Variants in TCTN2 observed in about 807,000 individuals in gnomAD.
The protein encoded by TCTN2 is tectonic family member 2.
A neutral mutation model predicts 83.4 loss-of-function variants in TCTN2; 66 were observed. The observed-to-expected ratio is 0.79, with a 90% CI of 0.65 to 0.97. TCTN2 has a LOEUF of 0.97. Ranked by LOEUF, TCTN2 falls within the 50% of genes least tolerant of loss-of-function variation. The pLI is 0.00. For synonymous variants in TCTN2, 301 were observed against 326.7 expected (o/e 0.92, Z 0.85); for missense variants, 794 against 858.1 (o/e 0.93, Z 0.93).
chr12:123,697,517 T>G (rs753649031), intron 13 of TCTN2, among the ~76,000 whole-genome samples: 1 of 152,214 alleles, frequency 6.6e-6, no homozygotes, highest in Non-Finnish European at 1.5e-5. Flanking sequence ...TTTTTTTTGT[T>G]GAGATGAAGT....
chr12:123,671,256 C>G lies in TCTN2; in HGVS notation c.16C>G (p.Pro6Ala). MGFQP[P>A]AALLLRLFLL... Reference sequence around the variant, plus strand: ...GGTCTAAGGCATGGGCTTCCAGCCTCCGGCCGCTCTTCTTTTGAGGCTTTT... The same window carrying G: ...GGTCTAAGGCATGGGCTTCCAGCCTGCGGCCGCTCTTCTTTTGAGGCTTTT... Residue 6 changes from proline (P) to alanine (A), a missense_variant, in exon 1 of 18, where the codon CCG becomes GCG. Pro to Ala is a conservative substitution (Grantham distance 27, BLOSUM62 -1). Coordinates refer to ENST00000303372, the MANE Select transcript of TCTN2 (RefSeq NM_024809.5). The G allele has an allele frequency of 3.1e-6, 5 of 1,613,406 alleles. No homozygotes were observed. Among genetic ancestry groups the G allele is most frequent in the Non-Finnish European group, 4.2e-6 (5 of 1,179,874 alleles).
chr12:123,679,622 C>G (rs1428617916), intron 5 of TCTN2, among the ~76,000 whole-genome samples: 1 of 152,090 alleles, frequency 6.6e-6, no homozygotes, highest in Non-Finnish European at 1.5e-5. Context: ...CCTTGGCCTC[C>G]CAAAATGTTG....
At chr12:123,675,437 T>C (rs1038733961) in intron 4 of TCTN2, among the ~76,000 whole-genome samples, 1 of 152,294 alleles carries the variant, frequency 6.6e-6, no homozygotes, top group Admixed American at 6.5e-5. Context: ...CGTTCCAGAC[T>C]TTAGTAGCAA....
rs1332338621 is a variant in TCTN2 at position 123,690,667 on chromosome 12, C to T, written c.1026C>T (p.Ala342=). The T allele has an allele frequency of 2.5e-6, 4 of 1,614,052 alleles. No homozygotes were observed. The highest frequency in any genetic ancestry group is 2.2e-5 in the South Asian group (2 of 91,056). The part of the protein sequence containing the change: ...GIINAKIKNV[A]LGGIVTPKVI... ...TCAATGCGAAGATAAAGAATGTTGC[C>T]TTAGGAGGTATGTTACATTTCTTTG... Residue 342 remains alanine (A), a synonymous_variant, in exon 8 of 18, where the codon GCC becomes GCT. Coordinates refer to ENST00000303372, the MANE Select transcript of TCTN2 (RefSeq NM_024809.5).
intron 6 of TCTN2, among the ~76,000 whole-genome samples, chr12:123,687,316 G>A (rs955927865): frequency 1.3e-5 from 2 of 152,164 alleles, no homozygotes; most frequent in Admixed American, 6.6e-5. Flanking sequence ...TTAATGTTCT[G>A]TATTTTACAG....
chr12:123,703,256 C>T (rs1418443523), intron 14 of TCTN2, among the ~76,000 whole-genome samples: 1 of 151,472 alleles, frequency 6.6e-6, no homozygotes, highest in Non-Finnish European at 1.5e-5. Context: ...TCTCGGCTCA[C>T]TGCAACCTCC....
At chr12:123,676,077 A>G (rs139868049) in intron 4 of TCTN2, among the ~76,000 whole-genome samples, 1 of 151,960 alleles carries the variant, frequency 6.6e-6, no homozygotes, top group Admixed American at 6.6e-5. Flanking sequence ...CTAGGAGTTC[A>G]AGACCAGCCT....
intron 5 of TCTN2, among the ~76,000 whole-genome samples, chr12:123,684,418 T>TA (rs1955938008): frequency 6.6e-6 from 1 of 150,644 alleles, no homozygotes; most frequent in African/African-American, 2.4e-5. Flanking sequence ...TTTTTTTTTT[T>TA]AAGACAGAGT....
chr12:123,683,058 T>C (rs1955918836), intron 5 of TCTN2, among the ~76,000 whole-genome samples: 1 of 150,956 alleles, frequency 6.6e-6, no homozygotes, highest in Non-Finnish European at 1.5e-5. Flanking sequence ...ACCCCATCTG[T>C]ACTAAAATAC....
chr12:123,686,948 G>A lies in TCTN2; in HGVS notation c.677G>A (p.Arg226His), dbSNP rs774785140. The change falls in exon 6 of 18, where the codon CGT becomes CAT. Residue 226 changes from arginine (R) to histidine (H), a missense_variant. By Grantham distance (29) the Arg-to-His change is conservative. Coordinates refer to ENST00000303372, the MANE Select transcript of TCTN2 (RefSeq NM_024809.5). Reference protein sequence around the residue: ...DQLCSAGTTTRGVPDWFPFLC... With the variant: ...DQLCSAGTTTHGVPDWFPFLC... ...CTCTGCTCTGCTGGGACGACGACAC[G>A]TGGTGTCCCCGATTGGTTTCCCTTT... The A allele has an allele frequency of 1.5e-5, 24 of 1,614,074 alleles. No homozygotes were observed. Among genetic ancestry groups the A allele is most frequent in the Middle Eastern group, 1.6e-4 (1 of 6,084 alleles).
chr12:123,706,662 T>C (rs1956232980), intron 15 of TCTN2, 64 bp from the exon 16 acceptor site: 1 of 1,612,494 alleles, frequency 6.2e-7, no homozygotes, highest in Non-Finnish European at 8.5e-7. Context: ...ATCCGTTACC[T>C]GCTGTTCTTG....
intron 7 of TCTN2, among the ~76,000 whole-genome samples, chr12:123,689,686 C>T (rs1276567016): frequency 1.3e-5 from 2 of 151,910 alleles, no homozygotes; most frequent in Non-Finnish European, 2.9e-5. Context: ...AAGTAGGGTC[C>T]GGTATAAAAA....
Position 123,699,699 on chromosome 12 carries a change from T to G in TCTN2, c.1506-5T>G, listed in dbSNP as rs764011088. 5 of 1,611,908 alleles carry G rather than the reference T, an allele frequency of 3.1e-6. No homozygotes were observed. Among genetic ancestry groups the G allele is most frequent in the Middle Eastern group, 3.3e-4 (2 of 6,058 alleles). On this transcript the variant is annotated splice_polypyrimidine_tract_variant and splice_region_variant and intron_variant, in intron 13 of 17. Coordinates refer to ENST00000303372, the MANE Select transcript of TCTN2 (RefSeq NM_024809.5). ...TGAGCTGAGAAATGTCTTACTCTCT[T>G]GCAGGGAGAATGCTGTTGAAAGACT...
Position 123,671,601 on chromosome 12 carries a change from G to T in TCTN2, c.177G>T (p.Leu59=), listed in dbSNP as rs749603121. ...TEGVTVSLAV[L]QDEAGILPIP... is the part of the protein sequence containing the mutation. Reference sequence around the variant, plus strand: ...GTGTGACCGTGTCCCTGGCAGTGCTGCAGGACGAGGCGGGTAAAGTCCGGC... The same window carrying T: ...GTGTGACCGTGTCCCTGGCAGTGCTTCAGGACGAGGCGGGTAAAGTCCGGC... Residue 59 remains leucine (L), a synonymous_variant, in exon 2 of 18, where the codon CTG becomes CTT. Transcript: ENST00000303372. 7 of 1,612,728 alleles carry T rather than the reference G, an allele frequency of 4.3e-6. No homozygotes were observed. In the East Asian group the frequency reaches 6.7e-5, roughly 15 times the overall value.
At chr12:123,687,070 T>C in intron 6 of TCTN2, 35 bp downstream of exon 6, 2 of 1,612,824 alleles carry the variant, frequency 1.2e-6, no homozygotes, top group Middle Eastern at 1.7e-4. Flanking sequence ...GATGGGGCAT[T>C]GTTCTCCCGC....
At chr12:123,673,571 C>G in intron 3 of TCTN2, 44 bp from the exon 4 acceptor site, 1 of 1,586,936 alleles carries the variant, frequency 6.3e-7, no homozygotes, top group Non-Finnish European at 8.7e-7. Flanking sequence ...CTTATAGACC[C>G]TGTTTTGAGT....
chr12:123,686,745 C>A, intron 5 of TCTN2, 91 bp from the exon 6 acceptor site: 1 of 1,255,584 alleles, frequency 8.0e-7, no homozygotes, highest in Non-Finnish European at 1.2e-6. Flanking sequence ...TGGTAGTGTC[C>A]TGCTGGCCTT....
At position 123,672,098 on chromosome 12, in the gene TCTN2, C is replaced by G. The variant is rs1015790415; in HGVS notation, c.233C>G (p.Thr78Arg). 12 of 1,614,008 alleles carry G rather than the reference C, an allele frequency of 7.4e-6. No individual in the cohort carries two copies. The highest frequency in any genetic ancestry group is 1.7e-5 in the Admixed American group (1 of 59,998). The change falls in exon 3 of 18, where the codon ACG becomes AGG. Residue 78 changes from threonine to arginine, a missense_variant. By Grantham distance (71) the Thr-to-Arg change is moderately conservative. Transcript: ENST00000303372. ...IPTCGVLNNE[T>R]EDWSVTVIPG... ...ACGTGTGGAGTGCTGAACAATGAGA[C>G]GGAAGACTGGAGCGTGACTGTGATC...
At chr12:123,684,730 C>G (rs940168645) in intron 5 of TCTN2, among the ~76,000 whole-genome samples, 2 of 151,864 alleles carry the variant, frequency 1.3e-5, no homozygotes, top group African/African-American at 4.8e-5. Flanking sequence ...AAAAATTATC[C>G]TAAGAACAAT....
Sources: allele counts gnomAD v4.1 joint callset (sites outside exome capture counted in the v4.1 genomes callset), GRCh38; gene constraint gnomAD v4.1.1; transcripts MANE v1.5; gene names NCBI Gene and HGNC (gene_info 2026-07-23, HGNC 2026-07-21).